Variants in CEP83 observed in about 807,000 individuals in gnomAD.
CEP83 encodes the protein centrosomal protein of 83 kDa.
Under a neutral mutation model 101.9 loss-of-function variants are expected in CEP83, and 70 were observed. The observed-to-expected ratio is 0.69, with a 90% confidence interval of 0.57 to 0.84. The LOEUF (loss-of-function observed/expected upper bound fraction) is 0.84. CEP83 is among the 40% of genes least tolerant of loss of function. The pLI is 0.00. For missense variants in CEP83, 715 were observed against 787.2 expected, an observed-to-expected ratio of 0.91 and a Z score of 1.10; for synonymous variants, 264 against 267.9, an observed-to-expected ratio of 0.99 and a Z score of 0.14.
At chr12:94,361,378 G>GTCTC (rs1480786185) in intron 11 of CEP83, 9 of 152,156 alleles carry the variant, frequency 5.9e-5, no homozygotes, top group African/African-American at 1.9e-4. Flanking sequence ...CCTCCCAAGA[G>GTCTC]TAGAGGACCA....
At chr12:94,298,860 G>A in the CEP83 span, 25 of 1,372,738 alleles carry the variant, frequency 1.8e-5, no homozygotes, top group Non-Finnish European at 2.5e-5. Context: ...CTAAAAGAAA[G>A]ACATAGATAG....
the CEP83 span, among the ~76,000 whole-genome samples, chr12:94,296,138 A>G: frequency 6.6e-5 from 10 of 151,854 alleles, no homozygotes; most frequent in Admixed American, 2.0e-4. Context: ...CCCATTTTCC[A>G]TTAGCATTTC....
chr12:94,446,210 A>G (rs1046926193), intron 1 of CEP83, among the ~76,000 whole-genome samples: 6 of 152,164 alleles, frequency 3.9e-5, no homozygotes, highest in African/African-American at 2.4e-5. Flanking sequence ...TTTTTTTACT[A>G]ATCTTTCTTA....
intron 2 of CEP83, among the ~76,000 whole-genome samples, chr12:94,421,968 GA>G (rs1214302398): frequency 6.6e-6 from 1 of 152,198 alleles, no homozygotes; most frequent in Non-Finnish European, 1.5e-5. Flanking sequence ...CCATAATAAA[GA>G]AACCAATATG....
rs78047124 is a variant in CEP83 at position 94,335,810 on chromosome 12, G to A, written c.1344-146C>T. 0.013 allele frequency: 8,060 copies of A among 620,892 alleles called. 460 individuals are homozygous for A. In the African/African-American group the frequency reaches 0.13, roughly 10 times the overall value. The allele number at this position is 620,892 out of a possible 1,614,324, so 38.5% of individuals were successfully genotyped here. ...TTGAGACTTCAAGAAACTAGGTTGT[G>A]TTCACGTATAACAAAAATGTAAAAC... On this transcript the variant is annotated intron_variant, in intron 11 of 16. Coordinates refer to ENST00000397809, the MANE Select transcript of CEP83 (RefSeq NM_016122.3).
At chr12:94,324,196 C>T (rs370925661) in intron 14 of CEP83, among the ~76,000 whole-genome samples, 3 of 152,132 alleles carry the variant, frequency 2.0e-5, no homozygotes, top group African/African-American at 4.8e-5. Flanking sequence ...GAAGAGTTTG[C>T]GTTAAGATTA....
chr12:94,281,617 C>T, the CEP83 span, among the ~76,000 whole-genome samples: 1 of 151,942 alleles, frequency 6.6e-6, no homozygotes, highest in Admixed American at 6.6e-5. Context: ...AGACAAGTCT[C>T]ACTATGTTGC....
chr12:94,404,544 A>C (rs2063431175), intron 4 of CEP83, among the ~76,000 whole-genome samples: 2 of 152,152 alleles, frequency 1.3e-5, no homozygotes, highest in South Asian at 4.1e-4. Flanking sequence ...AGAAATATCT[A>C]AACACTGTAA....
chr12:94,344,749 C>G (rs1456396720), intron 11 of CEP83, among the ~76,000 whole-genome samples: 1 of 151,922 alleles, frequency 6.6e-6, no homozygotes, highest in African/African-American at 2.4e-5. Context: ...CAATTCTCCT[C>G]AAATTGACCT....
intron 3 of CEP83, 125 bp downstream of exon 3, chr12:94,412,193 A>G (rs898462298): frequency 9.9e-6 from 7 of 709,776 alleles, no homozygotes; most frequent in African/African-American, 1.9e-5. Context: ...ACTATATTAA[A>G]AAAGTTTTAA....
intron 11 of CEP83, among the ~76,000 whole-genome samples, chr12:94,356,637 A>G: frequency 6.6e-6 from 1 of 152,342 alleles, no homozygotes; most frequent in Non-Finnish European, 1.5e-5. Flanking sequence ...TTTCCTTTTA[A>G]ATTACTTAAA....
rs1041811776 is a variant in CEP83 at position 94,375,872 on chromosome 12, A to G, written c.933+14T>C. On this transcript the variant is annotated intron_variant, in intron 8 of 16. Transcript: ENST00000397809. ...ACATTCTAAAGAATGAAACAGAAACATAAAACAACTTACTTTACTGGACAA... is the reference window on the plus strand; with the variant it reads ...ACATTCTAAAGAATGAAACAGAAACGTAAAACAACTTACTTTACTGGACAA... The G allele has an allele frequency of 5.1e-6, 7 of 1,384,512 alleles. No individual in the cohort carries two copies. In the African/African-American group the frequency reaches 1.0e-4, roughly 20 times the overall value. 85.8% of individuals were successfully genotyped at this position (1,384,512 alleles called of 1,614,324 possible). A position where few individuals can be genotyped will look rare whatever the true frequency, so the allele number is the denominator to read the frequency against.
chr12:94,348,747 A>C (rs1448957148), intron 11 of CEP83, among the ~76,000 whole-genome samples: 1 of 152,172 alleles, frequency 6.6e-6, no homozygotes, highest in Non-Finnish European at 1.5e-5. Context: ...GATGCATTGA[A>C]AACTGCAATG....
chr12:94,312,761 TA>T (rs1258387277), intron 15 of CEP83, 152 bp downstream of exon 15: 1 of 978,278 alleles, frequency 1.0e-6, no homozygotes, highest in Non-Finnish European at 1.2e-6. Flanking sequence ...AGTTAGGGGG[TA>T]AAAAAAGGAT....
At chr12:94,343,638 C>T (rs377424188) in intron 11 of CEP83, among the ~76,000 whole-genome samples, 2 of 149,910 alleles carry the variant, frequency 1.3e-5, no homozygotes, top group East Asian at 2.0e-4. Flanking sequence ...TACAGGCGCC[C>T]GCCACCGCGC....
At chr12:94,360,253 A>G (rs192001202) in intron 11 of CEP83, among the ~76,000 whole-genome samples, 1 of 152,262 alleles carries the variant, frequency 6.6e-6, no homozygotes, top group African/African-American at 2.4e-5. Flanking sequence ...CTTATTCAAC[A>G]CAGCACTGGA....
the CEP83 span, among the ~76,000 whole-genome samples, chr12:94,295,903 C>T: frequency 7.9e-5 from 12 of 152,210 alleles, no homozygotes; most frequent in Non-Finnish European, 1.5e-4. Flanking sequence ...ACCCTGCACT[C>T]TTTACAGAGA....
chr12:94,273,512 G>A, the CEP83 span, among the ~76,000 whole-genome samples: 2 of 152,078 alleles, frequency 1.3e-5, no homozygotes, highest in Admixed American at 1.3e-4. Flanking sequence ...CCTCCTCCAT[G>A]CAGCCTTCCT....
intron 1 of CEP83, among the ~76,000 whole-genome samples, chr12:94,453,352 C>T (rs1052559229): frequency 2.0e-5 from 3 of 152,192 alleles, no homozygotes; most frequent in Non-Finnish European, 4.4e-5. Flanking sequence ...AAGTTGAATA[C>T]TGCTCTGTAC....
Sources: gnomAD v4.1 joint callset for allele counts (sites outside exome capture counted in the v4.1 genomes callset) on GRCh38, gnomAD v4.1.1 for gene constraint, MANE v1.5 for transcripts, NCBI Gene and HGNC (gene_info 2026-07-23, HGNC 2026-07-21) for gene names.